Variants in ZNF704 observed in about 807,000 individuals in gnomAD.
The protein encoded by ZNF704 is zinc finger protein 704.
Under a neutral mutation model 44.7 loss-of-function variants are expected in ZNF704, and 10 were observed. The ratio of observed to expected loss-of-function variants is 0.22; its 90% CI spans 0.14 to 0.38. The LOEUF (loss-of-function observed/expected upper bound fraction) is 0.38, where lower values mean the gene tolerates loss of function less well. Ranked by LOEUF, ZNF704 falls within the 10% of genes least tolerant of loss-of-function variation. The probability of loss-of-function intolerance (pLI) is 1.00; values close to 1 mark genes in which losing one functional copy is unlikely to be tolerated. For missense variants in ZNF704, 390 were observed against 545.5 expected (o/e 0.71, Z 2.84); for synonymous variants, 211 against 207.6 (o/e 1.02, Z -0.14).
intron 1 of ZNF704, among the ~76,000 whole-genome samples, chr8:80,853,994 G>C (rs531326689): frequency 3.3e-5 from 5 of 152,214 alleles, no homozygotes; most frequent in African/African-American, 1.2e-4. Context: ...GATAAAGACA[G>C]GTACAAAATT....
At chr8:80,833,977 T>A (rs1314128130) in intron 1 of ZNF704, among the ~76,000 whole-genome samples, 1 of 152,156 alleles carries the variant, frequency 6.6e-6, no homozygotes, top group East Asian at 1.9e-4. Flanking sequence ...TGGAAGCCTA[T>A]GATTCTAATG....
chr8:80,832,725 C>T (rs550490573), intron 1 of ZNF704, among the ~76,000 whole-genome samples: 3 of 152,074 alleles, frequency 2.0e-5, no homozygotes, highest in African/African-American at 7.2e-5. Context: ...GCAAAAATCA[C>T]TCTTAGCAAA....
intron 4 of ZNF704, among the ~76,000 whole-genome samples, chr8:80,675,480 T>G (rs985972335): frequency 1.1e-4 from 17 of 152,266 alleles, no homozygotes; most frequent in African/African-American, 4.1e-4. Context: ...TTTGTTTTTT[T>G]TTTTAATATT....
chr8:80,737,510 C>G (rs998071867), intron 2 of ZNF704, among the ~76,000 whole-genome samples: 15 of 152,120 alleles, frequency 9.9e-5, no homozygotes, highest in African/African-American at 3.6e-4. Context: ...TGATCCCAGA[C>G]AGCAGGTTTT....
intron 2 of ZNF704, among the ~76,000 whole-genome samples, chr8:80,736,587 T>C (rs1806669772): frequency 6.6e-6 from 1 of 151,936 alleles, no homozygotes; most frequent in Non-Finnish European, 1.5e-5. Flanking sequence ...AGTAGTCCTT[T>C]ATCGTGGCTG....
chr8:80,801,215 T>C (rs959988917), intron 2 of ZNF704, among the ~76,000 whole-genome samples: 2 of 152,250 alleles, frequency 1.3e-5, no homozygotes, highest in South Asian at 2.1e-4. Flanking sequence ...CACAAAATAA[T>C]AGTGAGAGAC....
intron 1 of ZNF704, among the ~76,000 whole-genome samples, chr8:80,823,395 G>A (rs1047839506): frequency 6.6e-5 from 10 of 152,232 alleles, no homozygotes; most frequent in Admixed American, 1.3e-4. Context: ...CACTGCTGAG[G>A]CTTGAGTAGG....
At chr8:80,767,168 T>G (rs1025194377) in intron 2 of ZNF704, among the ~76,000 whole-genome samples, 1 of 152,132 alleles carries the variant, frequency 6.6e-6, no homozygotes, top group Non-Finnish European at 1.5e-5. Flanking sequence ...TCCCAGGAAT[T>G]AATGGAGGCT....
At chr8:80,876,204 A>G (rs780846669), upstream of ZNF704, among the ~76,000 whole-genome samples, 1 of 152,156 alleles carries the variant, frequency 6.6e-6, no homozygotes, top group African/African-American at 2.4e-5. Flanking sequence ...CATTTAGATC[A>G]CACCATTTTC....
chr8:80,786,166 A>C (rs1181209889), intron 2 of ZNF704, among the ~76,000 whole-genome samples: 1 of 152,140 alleles, frequency 6.6e-6, no homozygotes, highest in Middle Eastern at 3.2e-3. Flanking sequence ...GGGAGGCTGA[A>C]GTGGGAGGAT....
intron 2 of ZNF704, among the ~76,000 whole-genome samples, chr8:80,809,651 T>C (rs1327566376): frequency 2.6e-5 from 4 of 152,200 alleles, no homozygotes; most frequent in Non-Finnish European, 4.4e-5. Context: ...AGTAGTTACA[T>C]ATATTAAAAC....
Position 80,722,103 on chromosome 8 carries a change from G to A in ZNF704, c.222-28996C>T, listed in dbSNP as rs572706005. Among the ~76,000 whole-genome samples the A allele has an allele frequency of 3.3e-5, 5 of 152,240 alleles. No individual in the cohort carries two copies. In the South Asian group the frequency reaches 1.0e-3, roughly 32 times the overall value. ...AATACAAAAAAACGTAGCTGGGAGTGGTGGCACATGCCTGTAGTCCCAGCT... is the reference window on the plus strand; with the variant it reads ...AATACAAAAAAACGTAGCTGGGAGTAGTGGCACATGCCTGTAGTCCCAGCT... On this transcript the variant is annotated intron_variant, in intron 2 of 8. Coordinates refer to ENST00000327835, the MANE Select transcript of ZNF704 (RefSeq NM_001033723.3).
intron 1 of ZNF704, among the ~76,000 whole-genome samples, chr8:80,864,446 T>C (rs1235836396): frequency 1.3e-5 from 2 of 152,216 alleles, no homozygotes; most frequent in Non-Finnish European, 2.9e-5. Context: ...TTGGCATATA[T>C]AGTCAGTAAC....
At chr8:80,748,587 A>G (rs866740378) in intron 2 of ZNF704, among the ~76,000 whole-genome samples, 1 of 152,206 alleles carries the variant, frequency 6.6e-6, no homozygotes, top group South Asian at 2.1e-4. Context: ...ACTGTGTAAA[A>G]TCCATATTTT....
At chr8:80,668,998 A>T (rs1818237730) in intron 5 of ZNF704, among the ~76,000 whole-genome samples, 1 of 152,188 alleles carries the variant, frequency 6.6e-6, no homozygotes. Flanking sequence ...CTAAAAGCAC[A>T]TCAGGAAAAA....
intron 1 of ZNF704, among the ~76,000 whole-genome samples, chr8:80,867,620 T>C (rs982444783): frequency 1.3e-5 from 2 of 152,124 alleles, no homozygotes; most frequent in Non-Finnish European, 2.9e-5. Context: ...AATGACAACT[T>C]TGTCTGGTAT....
intron 2 of ZNF704, among the ~76,000 whole-genome samples, chr8:80,729,300 A>G (rs1393646906): frequency 6.6e-6 from 1 of 152,128 alleles, no homozygotes; most frequent in Non-Finnish European, 1.5e-5. Context: ...TTTGGGTACA[A>G]TCTATACCAC....
chr8:80,758,191 G>T (rs1484489320), intron 2 of ZNF704, among the ~76,000 whole-genome samples: 1 of 152,190 alleles, frequency 6.6e-6, no homozygotes, highest in Non-Finnish European at 1.5e-5. Flanking sequence ...AGTTCACTGT[G>T]GAGCAAAGGC....
chr8:80,743,843 G>A (rs1015802030), intron 2 of ZNF704, among the ~76,000 whole-genome samples: 4 of 152,152 alleles, frequency 2.6e-5, no homozygotes, highest in Non-Finnish European at 5.9e-5. Context: ...ATAATGAATA[G>A]GTGTAACATG....
Sources: gnomAD v4.1 joint callset for allele counts (sites outside exome capture counted in the v4.1 genomes callset) on GRCh38, gnomAD v4.1.1 for gene constraint, MANE v1.5 for transcripts, NCBI Gene and HGNC (gene_info 2026-07-23, HGNC 2026-07-21) for gene names.